Variants in STK32B observed in about 807,000 individuals in gnomAD.
STK32B encodes serine/threonine-protein kinase 32B.
A neutral mutation model predicts 52.6 loss-of-function variants in STK32B; 43 were observed. The ratio of observed to expected loss-of-function variants is 0.82; its 90% CI spans 0.64 to 1.05. The LOEUF is 1.05. Among genes scored for constraint, STK32B ranks in the 50% least tolerant of loss-of-function variants. STK32B has a pLI of 0.00. For synonymous variants in STK32B, 238 were observed against 204.3 expected (o/e 1.17, Z -1.41); for missense variants, 621 against 534.6 (o/e 1.16, Z -1.59).
At chr4:5,184,977 G>C (rs1409952115) in intron 3 of STK32B, among the ~76,000 whole-genome samples, 1 of 152,220 alleles carries the variant, frequency 6.6e-6, no homozygotes, top group Non-Finnish European at 1.5e-5. Flanking sequence ...CCTCTGGCTG[G>C]TTGAGCACCT....
chr4:5,241,179 A>T (rs1369440781), intron 3 of STK32B, among the ~76,000 whole-genome samples: 1 of 152,048 alleles, frequency 6.6e-6, no homozygotes, highest in East Asian at 1.9e-4. Context: ...CTTGTTCCTG[A>T]TGTACTATTT....
At chr4:5,201,261 T>C (rs1722117629) in intron 3 of STK32B, among the ~76,000 whole-genome samples, 1 of 152,138 alleles carries the variant, frequency 6.6e-6, no homozygotes, top group African/African-American at 2.4e-5. Context: ...TCACAGACAG[T>C]CCTGTGTCCT....
chr4:5,139,349 C>A (rs1364655954), intron 1 of STK32B, among the ~76,000 whole-genome samples: 1 of 152,150 alleles, frequency 6.6e-6, no homozygotes, highest in Non-Finnish European at 1.5e-5. Context: ...ACACATACAG[C>A]CAAGGCTAGA....
intron 3 of STK32B, among the ~76,000 whole-genome samples, chr4:5,259,520 C>G (rs190272849): frequency 2.0e-5 from 3 of 152,334 alleles, no homozygotes; most frequent in Non-Finnish European, 2.9e-5. Context: ...CCCTCATTCT[C>G]TCTTTATAAA....
chr4:5,466,579 T>C, intron 9 of STK32B, 124 bp from the exon 10 acceptor site: 2 of 1,272,946 alleles, frequency 1.6e-6, no homozygotes, highest in Non-Finnish European at 2.1e-6. Flanking sequence ...AGGTAACCCG[T>C]GTATCCAACA....
rs1193462359 is a variant in STK32B, at chr4:5,489,621, A to ATTTTTTTTTTTTTTTTTTTTTTTT, written c.1107-9318_1107-9317insTTTTTTTTTTTTTTTTTTTTTTTT. Among the ~76,000 whole-genome samples, 4 of 151,702 alleles carry ATTTTTTTTTTTTTTTTTTTTTTTT rather than the reference A, an allele frequency of 2.6e-5. No homozygotes were observed. In the East Asian group the frequency reaches 8.0e-4, roughly 30 times the overall value. On this transcript the variant is annotated intron_variant, in intron 11 of 11. Transcript: ENST00000282908. Reference sequence around the variant, plus strand: ...ACAACAATTTTATTTTATTTTATTTATTTTTTATTATTTTTTTTGAGATGG... The same window carrying ATTTTTTTTTTTTTTTTTTTTTTTT: ...ACAACAATTTTATTTTATTTTATTTATTTTTTTTTTTTTTTTTTTTTTTTTTTTTTATTATTTTTTTTGAGATGG...
chr4:5,486,220 C>A (rs184726255), intron 11 of STK32B, among the ~76,000 whole-genome samples: 7 of 152,174 alleles, frequency 4.6e-5, no homozygotes, highest in Admixed American at 2.6e-4. Context: ...CTCCTTGAGC[C>A]GTAGTGGGCT....
chr4:5,223,616 A>G (rs1723675784), intron 3 of STK32B, among the ~76,000 whole-genome samples: 1 of 151,974 alleles, frequency 6.6e-6, no homozygotes, highest in Admixed American at 6.6e-5. Flanking sequence ...GATCGAGACC[A>G]TCCTGGTTAA....
chr4:5,112,685 C>A (rs1714468926), intron 1 of STK32B, among the ~76,000 whole-genome samples: 1 of 152,104 alleles, frequency 6.6e-6, no homozygotes, highest in Admixed American at 6.5e-5. Flanking sequence ...ATGTCGCAGT[C>A]AAATGGACAT....
chr4:5,498,061 A>G (rs1720441308), intron 11 of STK32B, among the ~76,000 whole-genome samples: 1 of 152,162 alleles, frequency 6.6e-6, no homozygotes, highest in South Asian at 2.1e-4. Context: ...AGTTTTACAT[A>G]AGAAAGCTGA....
At chr4:5,457,361 A>G (rs546261187) in intron 8 of STK32B, among the ~76,000 whole-genome samples, 10 of 150,902 alleles carry the variant, frequency 6.6e-5, no homozygotes, top group East Asian at 4.0e-4. Context: ...GACTACAGGC[A>G]CCCGCCAACA....
chr4:5,308,432 C>A (rs1431730444), intron 3 of STK32B, among the ~76,000 whole-genome samples: 3 of 152,136 alleles, frequency 2.0e-5, no homozygotes, highest in African/African-American at 7.2e-5. Context: ...TTTAAGTAAT[C>A]TACACTCTTC....
chr4:5,256,943 G>A (rs957905103), intron 3 of STK32B, among the ~76,000 whole-genome samples: 1 of 152,230 alleles, frequency 6.6e-6, no homozygotes, highest in African/African-American at 2.4e-5. Context: ...CAGTGAATGA[G>A]TAAGTGGATG....
intron 5 of STK32B, among the ~76,000 whole-genome samples, chr4:5,410,791 C>A (rs1198073440): frequency 6.6e-6 from 1 of 152,160 alleles, no homozygotes; most frequent in Non-Finnish European, 1.5e-5. Flanking sequence ...GATTTGACTG[C>A]TCAAAGGTCT....
In STK32B at chr4:5,460,341, G is replaced by A; in HGVS notation, c.909+113G>A. The A allele has an allele frequency of 6.8e-7, 1 of 1,461,778 alleles. No individual in the cohort carries two copies. Among genetic ancestry groups the A allele is most frequent in the Non-Finnish European group, 9.2e-7 (1 of 1,089,564 alleles). The allele number at this position is 1,461,778 out of a possible 1,614,324, so 90.6% of individuals were successfully genotyped here. A position where few individuals can be genotyped will look rare whatever the true frequency, so the allele number is the denominator to read the frequency against. On this transcript the variant is annotated intron_variant, in intron 9 of 11. Transcript: ENST00000282908. The surrounding 1 kb of genome is among the most constrained non-coding windows in gnomAD (Gnocchi z 4.8). Reference sequence around the variant, plus strand: ...AGCCCTCTGCTGGCCACTTCCACCTGAGCACCAAGGGCTTATGTCTTGCTG... The same window carrying A: ...AGCCCTCTGCTGGCCACTTCCACCTAAGCACCAAGGGCTTATGTCTTGCTG...
chr4:5,216,582 G>A (rs1723196780), intron 3 of STK32B, among the ~76,000 whole-genome samples: 1 of 152,182 alleles, frequency 6.6e-6, no homozygotes, highest in Non-Finnish European at 1.5e-5. Flanking sequence ...TGGGCAGGGA[G>A]AGAAAGAAGC....
intron 3 of STK32B, among the ~76,000 whole-genome samples, chr4:5,323,965 A>G (rs1731703950): frequency 6.6e-6 from 1 of 152,168 alleles, no homozygotes; most frequent in African/African-American, 2.4e-5. Flanking sequence ...ATGTTACTTA[A>G]TCTCTCTGAA....
intron 8 of STK32B, among the ~76,000 whole-genome samples, chr4:5,458,050 A>G (rs548049558): frequency 1.2e-4 from 19 of 152,286 alleles, no homozygotes; most frequent in Admixed American, 1.0e-3. Flanking sequence ...TTCCCAAGGT[A>G]TGGGCCTAGG....
At chr4:5,317,879 GT>G (rs1166569688) in intron 3 of STK32B, among the ~76,000 whole-genome samples, 5 of 152,028 alleles carry the variant, frequency 3.3e-5, no homozygotes, top group African/African-American at 1.2e-4. Context: ...ACTTCTCAAA[GT>G]GCTGTCCCCA....
Sources: gnomAD v4.1 joint callset for allele counts (sites outside exome capture counted in the v4.1 genomes callset) on GRCh38, gnomAD v4.1.1 for gene constraint, Gnocchi (gnomAD v3.1) non-coding constraint, MANE v1.5 for transcripts, NCBI Gene and HGNC (gene_info 2026-07-23, HGNC 2026-07-21) for gene names.